The following FBXW5 variants were observed in gnomAD, a reference collection of about 807,000 sequenced individuals.
The protein encoded by FBXW5 is F-box/WD repeat-containing protein 5.
Under a neutral mutation model 50.9 loss-of-function variants are expected in FBXW5, and 74 were observed. The observed-to-expected ratio is 1.45, with a 90% confidence interval of 1.20 to 1.76. The LOEUF (loss-of-function observed/expected upper bound fraction) is 1.76, where lower values mean the gene tolerates loss of function less well. Ranked by LOEUF, FBXW5 falls within the 40% of genes most tolerant of loss-of-function variation. The probability of loss-of-function intolerance (pLI) is 0.00; values close to 1 mark genes in which losing one functional copy is unlikely to be tolerated. For synonymous variants in FBXW5, 523 were observed against 362.2 expected, an observed-to-expected ratio of 1.44 and a Z score of -5.04; for missense variants, 1,073 against 818.8, an observed-to-expected ratio of 1.31 and a Z score of -3.79.
rs1321890241 is a variant in FBXW5, at chr9:136,941,673, T to C, written c.1108A>G (p.Ile370Val). The C allele has an allele frequency of 3.2e-6, 5 of 1,560,428 alleles. No individual in the cohort carries two copies. Among genetic ancestry groups the C allele is most frequent in the Admixed American group, 1.9e-5 (1 of 52,580 alleles). ...GCCGTGGTCATCTGGTGTGGCAGGA[T>C]CTGCTTGATGCCTGCAGGGAGGGCT... ...YSPHQIGIKQ[I>V]LPHQMTTAGP... The change falls in exon 7 of 9, where the codon ATC (isoleucine) becomes GTC (valine). Residue 370 changes from isoleucine to valine, a missense_variant. By Grantham distance (29) the Ile-to-Val change is conservative. Transcript: ENST00000325285.
In FBXW5 at chr9:136,940,950, C is replaced by T. The variant is rs1554785408; in HGVS notation, c.1679G>A (p.Trp560Ter). The T allele has an allele frequency of 9.5e-6, 15 of 1,573,728 alleles. No homozygotes were observed. The highest frequency in any genetic ancestry group is 1.0e-5 in the Non-Finnish European group (12 of 1,160,420). Residue 560 changes from tryptophan (W) to a stop codon, truncating the protein, a stop_gained, in exon 9 of 9, where the codon TGG (tryptophan) becomes TAG (stop). Coordinates refer to ENST00000325285, the MANE Select transcript of FBXW5 (RefSeq NM_018998.4). LOFTEE classifies it high-confidence loss of function. ...PRPRPRTFFS[W>*]LASQRR is the part of the protein sequence containing the mutation. The stretch of plus-strand genomic sequence containing the variant: ...ACCTCAGCGCCTCTGGCTGGCAAGC[C>T]AGGAGAAGAAGGTGCGAGGCCGTGG...
rs781741068 is a variant in FBXW5 at position 136,942,920 on chromosome 9, G to A, written c.375C>T (p.Ile125=). The part of the protein sequence containing the change: ...TVKIWSNDLT[I]SLLHSADMRP... ...GCATGTCCGCGCTGTGCAGCAGCGAGATGGTCAGGTCGTTGCTCCAGATCT... is the reference window on the plus strand; with the variant it reads ...GCATGTCCGCGCTGTGCAGCAGCGAAATGGTCAGGTCGTTGCTCCAGATCT... Residue 125 remains isoleucine (I), a synonymous_variant, in exon 4 of 9, where the codon ATC becomes ATT. Coordinates refer to ENST00000325285, the MANE Select transcript of FBXW5 (RefSeq NM_018998.4). 1 of 1,613,408 alleles carries A rather than the reference G, an allele frequency of 6.2e-7. No individual in the cohort carries two copies. The highest frequency in any genetic ancestry group is 8.5e-7 in the Non-Finnish European group (1 of 1,179,954).
In FBXW5 at chr9:136,942,095, C is replaced by G. The variant is rs770638920; in HGVS notation, c.1047G>C (p.Lys349Asn). 1.9e-6 allele frequency: 3 copies of G among 1,612,804 alleles called. No homozygotes were observed. Among genetic ancestry groups the G allele is most frequent in the African/African-American group, 1.3e-5 (1 of 74,926 alleles). Residue 349 changes from lysine (K) to asparagine (N), a missense_variant, in exon 6 of 9, where the codon AAG (lysine) becomes AAC (asparagine). By Grantham distance (94) the Lys-to-Asn change is moderately conservative (BLOSUM62 0). Transcript: ENST00000325285. ...GGCAGCCAGTGGTGAAGATGAGGTA[C>G]TTGCTCTTGGCGCCTGTGGCACTGC... is the stretch of plus-strand genomic sequence containing the variant. ...PERSATGAKS[K>N]YLIFTTGCLT...
At position 136,943,805 on chromosome 9, in the gene FBXW5, CG is replaced by C; in HGVS notation, c.193+85del. On this transcript the variant is annotated intron_variant, in intron 2 of 8. Coordinates refer to ENST00000325285, the MANE Select transcript of FBXW5 (RefSeq NM_018998.4). ...AGCATGGACACGCGGGGCCGCGGGGCGGGCCCCCAGCCAGGCTGACCCCCAA... is the reference window on the plus strand; with the variant it reads ...AGCATGGACACGCGGGGCCGCGGGGCGGCCCCCAGCCAGGCTGACCCCCAA... 4 of 1,394,326 alleles carry C rather than the reference CG, an allele frequency of 2.9e-6. No individual in the cohort carries two copies. The South Asian group carries it at 5.4e-5, about 19-fold the overall frequency. The allele number at this position is 1,394,326 out of a possible 1,614,324, so 86.4% of individuals were successfully genotyped here. A position where few individuals can be genotyped will look rare whatever the true frequency, so the allele number is the denominator to read the frequency against.
At position 136,940,882 on chromosome 9, in the gene FBXW5, C is replaced by A. The variant is rs757695879; in HGVS notation, c.*46G>T. ...CTCGGGAAAAAGCCACAGAGCCTGG[C>A]GATGTCCTCAAGGGGTCCCGGTGGC... On this transcript the variant is annotated 3_prime_UTR_variant, in exon 9 of 9. Coordinates refer to ENST00000325285, the MANE Select transcript of FBXW5 (RefSeq NM_018998.4). 1 of 1,548,628 alleles carries A rather than the reference C, an allele frequency of 6.5e-7. No individual in the cohort carries two copies. Among genetic ancestry groups the A allele is most frequent in the Non-Finnish European group, 8.7e-7 (1 of 1,148,764 alleles).
rs772320395 is a variant in FBXW5 at position 136,941,330 on chromosome 9, G to A, written c.1378C>T (p.Leu460=). Residue 460 remains leucine (L), a synonymous_variant, in exon 8 of 9, where the codon CTG becomes TTG. Transcript: ENST00000325285. ...GGCGTGTAGGCGCGGTGCGCACGCA[G>A]AGCCCGCCTCACCTCCCGCATGGTC... The part of the protein sequence containing the change: ...LKTMREVRRA[L]RAHRAYTPND... 1.9e-6 allele frequency: 3 copies of A among 1,610,640 alleles called. No homozygotes were observed. In the South Asian group the frequency reaches 3.3e-5, roughly 18 times the overall value.
Position 136,941,005 on chromosome 9 carries a change from G to A in FBXW5, c.1624C>T (p.Arg542Cys), listed in dbSNP as rs776686681. Residue 542 changes from arginine to cysteine, a missense_variant, in exon 9 of 9, where the codon CGC (arginine) becomes TGC (cysteine). Physicochemically the swap from Arg to Cys is radical, Grantham distance 180. Transcript: ENST00000325285. Reference protein sequence around the residue: ...DATIKAWRSPRTMRVLQAPRP... With the variant: ...DATIKAWRSPCTMRVLQAPRP... ...GGTGCCTGGAGGACGCGCATGGTGC[G>A]TGGGGAGCGCCAGGCTTTGATGGTG... The A allele has an allele frequency of 2.0e-5, 31 of 1,554,652 alleles. No individual in the cohort carries two copies. The highest frequency in any genetic ancestry group is 1.3e-4 in the South Asian group (11 of 84,750).
At chr9:136,943,838 G>A in intron 2 of FBXW5, 53 bp downstream of exon 2, 3 of 1,530,080 alleles carry the variant, frequency 2.0e-6, no homozygotes, top group Non-Finnish European at 2.6e-6. Context: ...CCAAGCGCAG[G>A]GGCCCGGGGC....
chr9:136,942,064 A>G lies in FBXW5; in HGVS notation c.1078T>C (p.Tyr360His). ...YLIFTTGCLT[Y>H]SPHQIGIKQI... Reference sequence around the variant, plus strand: ...GGTGTACCGATCTGGTGTGGGGAGTAGGTGAGGCAGCCAGTGGTGAAGATG... The same window carrying G: ...GGTGTACCGATCTGGTGTGGGGAGTGGGTGAGGCAGCCAGTGGTGAAGATG... The change falls in exon 6 of 9, where the codon TAC becomes CAC. Residue 360 changes from tyrosine to histidine, a missense_variant. Physicochemically the swap from Tyr to His is moderately conservative, Grantham distance 83. Transcript: ENST00000325285. 1 of 1,610,046 alleles carries G rather than the reference A, an allele frequency of 6.2e-7. No homozygotes were observed. Among genetic ancestry groups the G allele is most frequent in the South Asian group, 1.1e-5 (1 of 90,820 alleles).
In FBXW5 at chr9:136,941,302, T is replaced by C; in HGVS notation, c.1406A>G (p.Asn469Ser). ...ALRAHRAYTP[N>S]DECFFIFLDV... ...CAGGAAGATGAAGAAGCACTCGTCG[T>C]TGGGCGTGTAGGCGCGGTGCGCACG... is the stretch of plus-strand genomic sequence containing the variant. The change falls in exon 8 of 9, where the codon AAC becomes AGC. Residue 469 changes from asparagine (N) to serine (S), a missense_variant. Transcript: ENST00000325285. 6.2e-7 allele frequency: 1 copy of C among 1,609,552 alleles called. No homozygotes were observed. Among genetic ancestry groups the C allele is most frequent in the Non-Finnish European group, 8.5e-7 (1 of 1,179,830 alleles).
rs908021169 is a variant in FBXW5, at chr9:136,940,717, G to C, written c.*211C>G. ...ACCCCAAGTTGCCCAGGAGGCCGAG[G>C]GGGCCTTGGGCTCCATCTGCACTGG... is the stretch of plus-strand genomic sequence containing the variant. On this transcript the variant is annotated 3_prime_UTR_variant, in exon 9 of 9. Transcript: ENST00000325285. 2 of 751,394 alleles carry C rather than the reference G, an allele frequency of 2.7e-6. No individual in the cohort carries two copies. Among genetic ancestry groups the C allele is most frequent in the African/African-American group, 3.5e-5 (2 of 56,526 alleles). 46.5% of individuals were successfully genotyped at this position (751,394 alleles called of 1,614,324 possible).
In FBXW5 at chr9:136,942,136, T is replaced by C. The variant is rs1309191181; in HGVS notation, c.1006A>G (p.Thr336Ala). The C allele has an allele frequency of 1.2e-6, 2 of 1,610,964 alleles. No individual in the cohort carries two copies. The highest frequency in any genetic ancestry group is 1.3e-5 in the African/African-American group (1 of 74,896). The change falls in exon 6 of 9, where the codon ACC (threonine) becomes GCC (alanine). Residue 336 changes from threonine to alanine, a missense_variant. By Grantham distance (58) the Thr-to-Ala change is moderately conservative. Transcript: ENST00000325285. ...KVAELLAQGH[T>A]KPPERSATGA... is the part of the protein sequence containing the mutation. ...GTGGCACTGCGCTCGGGTGGCTTGG[T>C]GTGGCCCTGGGCCAGCAGCTCGGCC...
At position 136,942,904 on chromosome 9, in the gene FBXW5, C is replaced by T. The variant is rs149461505; in HGVS notation, c.391G>A (p.Ala131Thr). ...CTCCAGTTGTAGGGCCGCATGTCCG[C>T]GCTGTGCAGCAGCGAGATGGTCAGG... ...NDLTISLLHS[A>T]DMRPYNWSYT... Residue 131 changes from alanine to threonine, a missense_variant, in exon 4 of 9, where the codon GCG becomes ACG. Transcript: ENST00000325285. The T allele has an allele frequency of 6.9e-4, 1,110 of 1,613,498 alleles. 1 individual carries two copies. The highest frequency in any genetic ancestry group is 2.1e-3 in the Middle Eastern group (13 of 6,062).
At chr9:136,942,727 G>C (rs368508014) in intron 4 of FBXW5, 32 bp from the exon 5 acceptor site, 56 of 1,610,416 alleles carry the variant, frequency 3.5e-5, no homozygotes, top group African/African-American at 8.0e-5. Context: ...ACAGGCTGTC[G>C]GCGTGGGGCG....
In FBXW5 at chr9:136,942,828, GAGGCCAGC is replaced by G; in HGVS notation, c.459_466del (p.Leu154GlyfsTer34). ...GTTGTGCGGCCCCAGGAACACCCCC[GAGGCCAGC>G]AGTAGCGAGTCGTCCTTGTTGAACT... On this transcript the variant is annotated frameshift_variant, in exon 4 of 9. Transcript: ENST00000325285. LOFTEE classifies it high-confidence loss of function. 6.2e-7 allele frequency: 1 copy of G among 1,613,332 alleles called. No homozygotes were observed. The highest frequency in any genetic ancestry group is 8.5e-7 in the Non-Finnish European group (1 of 1,179,974).
In FBXW5 at chr9:136,944,092, T is replaced by A; in HGVS notation, c.-9A>T. The A allele has an allele frequency of 6.3e-7, 1 of 1,583,362 alleles. No individual in the cohort carries two copies. The highest frequency in any genetic ancestry group is 8.6e-7 in the Non-Finnish European group (1 of 1,165,808). On this transcript the variant is annotated 5_prime_UTR_variant, in exon 2 of 9. Coordinates refer to ENST00000325285, the MANE Select transcript of FBXW5 (RefSeq NM_018998.4). Reference sequence around the variant, plus strand: ...GTGCCGCCCTCGTCCATCGTGACATTCTGCCCAGGCGGCCCTGAAACCCAC... The same window carrying A: ...GTGCCGCCCTCGTCCATCGTGACATACTGCCCAGGCGGCCCTGAAACCCAC...
In FBXW5 at chr9:136,942,299, G is replaced by A. The variant is rs1358311402; in HGVS notation, c.843C>T (p.Asp281=). The change falls in exon 6 of 9, where the codon GAC becomes GAT. Residue 281 remains aspartate (D), a synonymous_variant. Transcript: ENST00000325285. Reference sequence around the variant, plus strand: ...CCACCTCCTCGTTGTCGCTGCCCAGGTCAAAGATGCGGCAGGGGGACGTGG... The same window carrying A: ...CCACCTCCTCGTTGTCGCTGCCCAGATCAAAGATGCGGCAGGGGGACGTGG... The part of the protein sequence containing the change: ...DPATSPCRIF[D]LGSDNEEVVA... 9 of 1,595,016 alleles carry A rather than the reference G, an allele frequency of 5.6e-6. No individual in the cohort carries two copies. In the South Asian group the frequency reaches 7.9e-5, roughly 14 times the overall value.
In FBXW5 at chr9:136,942,546, C is replaced by A; in HGVS notation, c.675+1G>T. On this transcript the variant is annotated splice_donor_variant, in intron 5 of 8. Coordinates refer to ENST00000325285, the MANE Select transcript of FBXW5 (RefSeq NM_018998.4). LOFTEE classifies it high-confidence loss of function. ...AGCCCCGCCCCTAGCCCCGCACGCA[C>A]CTGGAAGGCATTGTTGAGCCACAGC... is the stretch of plus-strand genomic sequence containing the variant. The A allele has an allele frequency of 6.2e-7, 1 of 1,610,570 alleles. No homozygotes were observed. Among genetic ancestry groups the A allele is most frequent in the Non-Finnish European group, 8.5e-7 (1 of 1,178,436 alleles).
At position 136,941,308 on chromosome 9, in the gene FBXW5, G is replaced by A. The variant is rs751445990; in HGVS notation, c.1400C>T (p.Thr467Met). The A allele has an allele frequency of 6.2e-6, 10 of 1,609,770 alleles. No individual in the cohort carries two copies. The highest frequency in any genetic ancestry group is 2.2e-5 in the East Asian group (1 of 44,880). ...GATGAAGAAGCACTCGTCGTTGGGC[G>A]TGTAGGCGCGGTGCGCACGCAGAGC... is the stretch of plus-strand genomic sequence containing the variant. Reference protein sequence around the residue: ...RRALRAHRAYTPNDECFFIFL... With the variant: ...RRALRAHRAYMPNDECFFIFL... Residue 467 changes from threonine to methionine, a missense_variant, in exon 8 of 9, where the codon ACG becomes ATG. Thr to Met is a moderately conservative substitution (Grantham distance 81). Coordinates refer to ENST00000325285, the MANE Select transcript of FBXW5 (RefSeq NM_018998.4).
Sources: gnomAD v4.1 joint callset for allele counts on GRCh38, gnomAD v4.1.1 for gene constraint, MANE v1.5 for transcripts, NCBI Gene and HGNC (gene_info 2026-07-23, HGNC 2026-07-21) for gene names.